Variants in ZNF385D observed in about 807,000 individuals in gnomAD.
ZNF385D encodes zinc finger protein 659.
In ZNF385D, 15 loss-of-function variants were observed where a neutral mutation model predicts 35.8. The observed-to-expected ratio is 0.42, with a 90% CI of 0.28 to 0.64. The LOEUF (loss-of-function observed/expected upper bound fraction) is 0.64, where lower values mean the gene tolerates loss of function less well. ZNF385D is among the 30% of genes least tolerant of loss of function. The pLI, the probability that ZNF385D is intolerant of heterozygous loss-of-function variation, is 0.23. For missense variants in ZNF385D, 474 were observed against 494.6 expected (o/e 0.96, Z 0.39); for synonymous variants, 212 against 186.8 (o/e 1.13, Z -1.10).
intron 2 of ZNF385D, among the ~76,000 whole-genome samples, chr3:22,354,161 G>A (rs1161609259): frequency 2.6e-5 from 4 of 151,842 alleles, no homozygotes; most frequent in African/African-American, 4.8e-5. Flanking sequence ...TTTTTATATC[G>A]CCTTGGTTTG....
At chr3:22,014,875 A>G (rs1696787654) in intron 3 of ZNF385D, among the ~76,000 whole-genome samples, 1 of 152,172 alleles carries the variant, frequency 6.6e-6, no homozygotes. Flanking sequence ...ATATTTAAAA[A>G]TTCTGAAAGT....
intron 3 of ZNF385D, among the ~76,000 whole-genome samples, chr3:21,910,617 C>T (rs1296611902): frequency 6.6e-6 from 1 of 151,734 alleles, no homozygotes; most frequent in Admixed American, 6.6e-5. Context: ...GACCTATAAT[C>T]GTTGTATCTC....
At chr3:22,281,771 G>T (rs1243739391) in intron 2 of ZNF385D, among the ~76,000 whole-genome samples, 1 of 152,012 alleles carries the variant, frequency 6.6e-6, no homozygotes, top group Non-Finnish European at 1.5e-5. Flanking sequence ...GATTTAGGAA[G>T]GATTCCCTCT....
At chr3:21,734,765 T>G (rs2069169281) in intron 1 of ZNF385D, among the ~76,000 whole-genome samples, 1 of 152,194 alleles carries the variant, frequency 6.6e-6, no homozygotes, top group Non-Finnish European at 1.5e-5. Context: ...TGGAGGCATT[T>G]TCATATGTGT....
chr3:22,129,699 G>A (rs1012835471), intron 3 of ZNF385D, among the ~76,000 whole-genome samples: 11 of 151,864 alleles, frequency 7.2e-5, no homozygotes, highest in African/African-American at 2.4e-4. Flanking sequence ...ACTTCTTCCA[G>A]GACTCAGTCT....
chr3:21,724,971 TAAC>T (rs1244430135), intron 1 of ZNF385D, among the ~76,000 whole-genome samples: 1 of 152,022 alleles, frequency 6.6e-6, no homozygotes, highest in Admixed American at 6.6e-5. Context: ...ACAGAAATAA[TAAC>T]AAACAGTCTC....
intron 2 of ZNF385D, among the ~76,000 whole-genome samples, chr3:21,575,099 A>T (rs1419087393): frequency 6.6e-6 from 1 of 152,162 alleles, no homozygotes; most frequent in Admixed American, 6.5e-5. Context: ...ATTTATCATT[A>T]TTTTCTTTTG....
intron 2 of ZNF385D, among the ~76,000 whole-genome samples, chr3:22,181,677 G>A (rs1035256318): frequency 3.7e-5 from 5 of 134,090 alleles, no homozygotes; most frequent in Admixed American, 8.3e-5. Flanking sequence ...CGGCCTGGGC[G>A]AAAGAGTGAG....
At chr3:21,960,366 C>G (rs1201086148) in intron 3 of ZNF385D, among the ~76,000 whole-genome samples, 1 of 151,954 alleles carries the variant, frequency 6.6e-6, no homozygotes, top group African/African-American at 2.4e-5. Flanking sequence ...CGGGGAAATA[C>G]AAATCAAAAC....
At chr3:21,638,160 A>G (rs2065499676) in intron 2 of ZNF385D, among the ~76,000 whole-genome samples, 2 of 152,114 alleles carry the variant, frequency 1.3e-5, no homozygotes, top group South Asian at 4.1e-4. Flanking sequence ...AACAGACAAC[A>G]TTTAGGAAAA....
In ZNF385D at chr3:21,416,514, G is replaced by A. The variant is rs949544182; in HGVS notation, c.*4700C>T. On this transcript the variant is annotated 3_prime_UTR_variant, in exon 8 of 8. Transcript: ENST00000281523. The stretch of plus-strand genomic sequence containing the variant: ...ATACCACTCTCAGAAATACCATGTA[G>A]GCAATGGAGACCTACCATTAGAAAT... 1 of 152,062 alleles carries A rather than the reference G, an allele frequency of 6.6e-6. No homozygotes were observed. The highest frequency in any genetic ancestry group is 2.4e-5 in the African/African-American group (1 of 41,414). The allele number at this position is 152,062 out of a possible 1,614,324, so 9.4% of individuals were successfully genotyped here.
At chr3:22,124,542 C>G (rs1703315198) in intron 3 of ZNF385D, among the ~76,000 whole-genome samples, 1 of 152,086 alleles carries the variant, frequency 6.6e-6, no homozygotes, top group South Asian at 2.1e-4. Context: ...TATATTCCCA[C>G]AGTGTATGAG....
intron 3 of ZNF385D, among the ~76,000 whole-genome samples, chr3:21,932,878 T>A (rs988631505): frequency 6.6e-6 from 1 of 152,172 alleles, no homozygotes; most frequent in African/African-American, 2.4e-5. Context: ...ACCATCACAA[T>A]AATAATTAAT....
chr3:22,257,457 C>G (rs896410306), intron 2 of ZNF385D, among the ~76,000 whole-genome samples: 6 of 151,794 alleles, frequency 4.0e-5, no homozygotes, highest in Non-Finnish European at 7.4e-5. Flanking sequence ...ATCATTTCCT[C>G]TCCTTTCTAG....
chr3:21,854,102 A>T (rs1460572778), intron 3 of ZNF385D, among the ~76,000 whole-genome samples: 1 of 151,902 alleles, frequency 6.6e-6, no homozygotes, highest in African/African-American at 2.4e-5. Context: ...AATAAACAAG[A>T]AAGATAGTAC....
chr3:22,040,387 A>G (rs1698589368), intron 3 of ZNF385D, among the ~76,000 whole-genome samples: 1 of 152,168 alleles, frequency 6.6e-6, no homozygotes, highest in Non-Finnish European at 1.5e-5. Context: ...GTGCACAGAG[A>G]CTAATTAATA....
At chr3:22,285,552 T>G (rs201302564) in intron 2 of ZNF385D, among the ~76,000 whole-genome samples, 1 of 152,254 alleles carries the variant, frequency 6.6e-6, no homozygotes, top group East Asian at 1.9e-4. Context: ...TTTATTATAC[T>G]TTAAGTTTTA....
At chr3:21,833,130 T>C (rs1200310499) in intron 3 of ZNF385D, among the ~76,000 whole-genome samples, 2 of 152,136 alleles carry the variant, frequency 1.3e-5, no homozygotes, top group African/African-American at 2.4e-5. Context: ...TACTGTGTTG[T>C]GTTGGGTACT....
At chr3:21,691,672 T>G (rs1341282109) in intron 1 of ZNF385D, among the ~76,000 whole-genome samples, 1 of 152,202 alleles carries the variant, frequency 6.6e-6, no homozygotes, top group African/African-American at 2.4e-5. Flanking sequence ...ATTATTTGTA[T>G]TCACTGATCA....
Sources: allele counts gnomAD v4.1 joint callset (sites outside exome capture counted in the v4.1 genomes callset), GRCh38; gene constraint gnomAD v4.1.1; transcripts MANE v1.5; gene names NCBI Gene and HGNC (gene_info 2026-07-23, HGNC 2026-07-21).